Variants in CACNA1S observed in about 807,000 individuals in gnomAD.
The protein encoded by CACNA1S is calcium voltage-gated channel subunit alpha1 S, also known as voltage-dependent L-type calcium channel subunit alpha-1S.
A neutral mutation model predicts 207.4 loss-of-function variants in CACNA1S; 126 were observed. The observed-to-expected ratio is 0.61, with a 90% CI of 0.53 to 0.70. CACNA1S has a LOEUF of 0.70. CACNA1S is among the 30% of genes least tolerant of loss of function. CACNA1S has a pLI of 0.00. For synonymous variants in CACNA1S, 960 were observed against 932.7 expected, an observed-to-expected ratio of 1.03 and a Z score of -0.53; for missense variants, 2,349 against 2,422.8, an observed-to-expected ratio of 0.97 and a Z score of 0.64.
Position 201,048,911 on chromosome 1 carries a change from A to G in CACNA1S, c.4338+92T>C, listed in dbSNP as rs1660561168. 5 of 1,067,412 alleles carry G rather than the reference A, an allele frequency of 4.7e-6. No individual in the cohort carries two copies. In the Admixed American group the frequency reaches 7.5e-5, roughly 16 times the overall value. 66.1% of individuals were successfully genotyped at this position (1,067,412 alleles called of 1,614,324 possible). A position where few individuals can be genotyped will look rare whatever the true frequency, so the allele number is the denominator to read the frequency against. ...GGACCCAGGAGATCCCGGCTCTACA[A>G]TGCTTCACTCCATCAGGTCCTCACC... is the stretch of plus-strand genomic sequence containing the variant. On this transcript the variant is annotated intron_variant, in intron 35 of 43. Transcript: ENST00000362061.
Position 201,069,175 on chromosome 1 carries a change from C to T in CACNA1S, c.2512G>A (p.Gly838Arg), listed in dbSNP as rs1356510559. ...RNQILKHFDI[G>R]FTSVFTVEIV... ...TCCACAGTGAAGACAGAGGTGAACC[C>T]GATGTCAAAGTGTTTAAGGATCTGG... Residue 838 changes from glycine to arginine, a missense_variant, in exon 19 of 44, where the codon GGG becomes AGG. Coordinates refer to ENST00000362061, the MANE Select transcript of CACNA1S (RefSeq NM_000069.3). 15 of 1,613,966 alleles carry T rather than the reference C, an allele frequency of 9.3e-6. No individual in the cohort carries two copies. Among genetic ancestry groups the T allele is most frequent in the African/African-American group, 2.7e-5 (2 of 74,914 alleles).
At chr1:201,061,232 C>T in intron 25 of CACNA1S, 35 bp downstream of exon 25, 3 of 1,585,466 alleles carry the variant, frequency 1.9e-6, no homozygotes, top group Admixed American at 1.7e-5. Flanking sequence ...CCTGCTGGAG[C>T]TCTGCCCTCC....
At position 201,065,822 on chromosome 1, in the gene CACNA1S, G is replaced by A. The variant is rs374793204; in HGVS notation, c.2853+16C>T. The stretch of plus-strand genomic sequence containing the variant: ...GGGAGCGGGAGGGGGAGCTGCTCGC[G>A]CAGGCTGGGGCTCACCTTGAAGAGC... On this transcript the variant is annotated intron_variant, in intron 22 of 43. Transcript: ENST00000362061. The A allele has an allele frequency of 4.3e-5, 69 of 1,591,880 alleles. No individual in the cohort carries two copies. In the African/African-American group the frequency reaches 5.6e-4, roughly 13 times the overall value.
chr1:201,053,380 C>T lies in CACNA1S; in HGVS notation c.3795+79G>A. 9.3e-6 allele frequency: 15 copies of T among 1,612,680 alleles called. No individual in the cohort carries two copies. Among genetic ancestry groups the T allele is most frequent in the Non-Finnish European group, 1.3e-5 (15 of 1,178,846 alleles). ...GGGCTCTGCCTTGCCCAGGGCTCCC[C>T]TGGGGCCCACCCTGGGCTGAGGCAG... On this transcript the variant is annotated intron_variant, in intron 30 of 43. Transcript: ENST00000362061. The surrounding 1 kb of genome is among the most constrained non-coding windows in gnomAD (Gnocchi z 5.1).
chr1:201,073,572 C>T lies in CACNA1S; in HGVS notation c.2134G>A (p.Glu712Lys). ...AKKLEQKPKG[E>K]GIPTTAKLKI... ...ACCTTGGCAGTGGTGGGGATGCCCT[C>T]ACCCTTGGGTTTCTGCTCCAGCTTC... The change falls in exon 15 of 44, where the codon GAG (glutamate) becomes AAG (lysine). Residue 712 changes from glutamate (E) to lysine (K), a missense_variant. Coordinates refer to ENST00000362061, the MANE Select transcript of CACNA1S (RefSeq NM_000069.3). 6.2e-7 allele frequency: 1 copy of T among 1,614,200 alleles called. No individual in the cohort carries two copies.
intron 1 of CACNA1S, among the ~76,000 whole-genome samples, chr1:201,110,521 G>A (rs1271804565): frequency 6.6e-6 from 1 of 152,184 alleles, no homozygotes; most frequent in Non-Finnish European, 1.5e-5. Context: ...GAATGGCAAA[G>A]GTCTGGTCCC....
chr1:201,065,844 G>A lies in CACNA1S; in HGVS notation c.2847C>T (p.Leu949=). 1.2e-6 allele frequency: 2 copies of A among 1,613,342 alleles called. No homozygotes were observed. Among genetic ancestry groups the A allele is most frequent in the Non-Finnish European group, 1.7e-6 (2 of 1,179,234 alleles). Residue 949 remains leucine (L), a synonymous_variant, in exon 22 of 44, where the codon CTC becomes CTT. Coordinates refer to ENST00000362061, the MANE Select transcript of CACNA1S (RefSeq NM_000069.3). The part of the protein sequence containing the change: ...QFMFACIGVQ[L]FKGKFFRCTD... Reference sequence around the variant, plus strand: ...CGCGCAGGCTGGGGCTCACCTTGAAGAGCTGGACGCCGATGCAGGCAAACA... The same window carrying A: ...CGCGCAGGCTGGGGCTCACCTTGAAAAGCTGGACGCCGATGCAGGCAAACA...
At position 201,111,224 on chromosome 1, in the gene CACNA1S, A is replaced by G. The variant is rs886302035; in HGVS notation, c.153-955T>C. On this transcript the variant is annotated intron_variant, in intron 1 of 43. Coordinates refer to ENST00000362061, the MANE Select transcript of CACNA1S (RefSeq NM_000069.3). Reference sequence around the variant, plus strand: ...ACAGGGCTGACCCTGACCCCAAACTATCTCTACTTGCCCCACGTTTCTCTT... The same window carrying G: ...ACAGGGCTGACCCTGACCCCAAACTGTCTCTACTTGCCCCACGTTTCTCTT... 1.8e-4 allele frequency among the ~76,000 whole-genome samples: 27 copies of G among 152,024 alleles called. 2 individuals carry two copies.
At chr1:201,060,457 A>G (rs1237986137) in intron 26 of CACNA1S, among the ~76,000 whole-genome samples, 5 of 152,128 alleles carry the variant, frequency 3.3e-5, no homozygotes, top group African/African-American at 1.2e-4. Context: ...TTATGCTTGA[A>G]TTACCTCCTT....
At chr1:201,101,356 C>T (rs1226145037) in intron 2 of CACNA1S, among the ~76,000 whole-genome samples, 1 of 152,234 alleles carries the variant, frequency 6.6e-6, no homozygotes, top group Non-Finnish European at 1.5e-5. Flanking sequence ...AACCCTCACC[C>T]TCCATAACTA....
rs778890024 is a variant in CACNA1S at position 201,089,411 on chromosome 1, G to A, written c.747C>T (p.Gly249=). The A allele has an allele frequency of 2.4e-5, 39 of 1,614,060 alleles. No homozygotes were observed. The highest frequency in any genetic ancestry group is 3.1e-5 in the Non-Finnish European group (36 of 1,180,042). The change falls in exon 6 of 44, where the codon GGC becomes GGT. Residue 249 remains glycine, a synonymous_variant. Transcript: ENST00000362061. ...CATTGATGGTGCACCGGCGCCCTGA[G>A]CCCGTCCTGGCGCAGGGCGATGGCT... ...NEEPSPCART[G]SGRRCTINGS...
chr1:201,064,479 G>A (rs1168363974), intron 22 of CACNA1S, among the ~76,000 whole-genome samples: 2 of 152,214 alleles, frequency 1.3e-5, no homozygotes, highest in South Asian at 2.1e-4. Flanking sequence ...GGCTTGTAAG[G>A]CCCTCAGCTC....
In CACNA1S at chr1:201,044,471, G is replaced by A; in HGVS notation, c.4669-15C>T. Reference sequence around the variant, plus strand: ...CGCAGCCCTGCCTGGGGATGACGAAGGGACTCAGTTATCTCTCCAGCCCAG... The same window carrying A: ...CGCAGCCCTGCCTGGGGATGACGAAAGGACTCAGTTATCTCTCCAGCCCAG... On this transcript the variant is annotated splice_polypyrimidine_tract_variant and intron_variant, in intron 38 of 43. Coordinates refer to ENST00000362061, the MANE Select transcript of CACNA1S (RefSeq NM_000069.3). 2 of 1,610,510 alleles carry A rather than the reference G, an allele frequency of 1.2e-6. No homozygotes were observed. Among genetic ancestry groups the A allele is most frequent in the Non-Finnish European group, 1.7e-6 (2 of 1,179,410 alleles).
In CACNA1S at chr1:201,062,024, T is replaced by A. The variant is rs1484161841; in HGVS notation, c.2973A>T (p.Val991=). The A allele has an allele frequency of 6.2e-7, 1 of 1,614,080 alleles. No homozygotes were observed. Among genetic ancestry groups the A allele is most frequent in the Non-Finnish European group, 8.5e-7 (1 of 1,180,010 alleles). The change falls in exon 24 of 44, where the codon GTA becomes GTT. Residue 991 remains valine, a synonymous_variant. Coordinates refer to ENST00000362061, the MANE Select transcript of CACNA1S (RefSeq NM_000069.3). ...MQIELRHREW[V]HSDFHFDNVL... ...CATTGTCGAAGTGGAAGTCGCTGTG[T>A]ACCCACTCGCGGTGACGCAGCTCTA... is the stretch of plus-strand genomic sequence containing the variant.
At chr1:201,109,153 C>T (rs2102189175) in intron 2 of CACNA1S, among the ~76,000 whole-genome samples, 2 of 151,474 alleles carry the variant, frequency 1.3e-5, no homozygotes, top group East Asian at 3.9e-4. Context: ...GAGGCTGAGG[C>T]AGGAGCATCA....
At chr1:201,075,293 T>G (rs1438670132) in intron 13 of CACNA1S, among the ~76,000 whole-genome samples, 1 of 152,218 alleles carries the variant, frequency 6.6e-6, no homozygotes, top group African/African-American at 2.4e-5. Flanking sequence ...CCTGTGAGTC[T>G]CTAATCTTTT....
intron 2 of CACNA1S, among the ~76,000 whole-genome samples, chr1:201,106,507 G>A (rs999951743): frequency 6.6e-6 from 1 of 152,128 alleles, no homozygotes; most frequent in Non-Finnish European, 1.5e-5. Flanking sequence ...ATAATGGGGG[G>A]CCCAGTACAA....
intron 32 of CACNA1S, among the ~76,000 whole-genome samples, chr1:201,052,219 T>G (rs1304357396): frequency 1.3e-5 from 2 of 152,256 alleles, no homozygotes; most frequent in Non-Finnish European, 2.9e-5. Context: ...TTCCTGCTCA[T>G]GCTCTGGGAG....
At chr1:201,109,055 C>G (rs1430363852) in intron 2 of CACNA1S, among the ~76,000 whole-genome samples, 1 of 152,158 alleles carries the variant, frequency 6.6e-6, no homozygotes, top group Admixed American at 6.5e-5. Context: ...CGAGGCCAGC[C>G]TGGCCAACAT....
Sources: gnomAD v4.1 joint callset for allele counts (sites outside exome capture counted in the v4.1 genomes callset) on GRCh38, gnomAD v4.1.1 for gene constraint, Gnocchi (gnomAD v3.1) non-coding constraint, MANE v1.5 for transcripts, NCBI Gene and HGNC (gene_info 2026-07-23, HGNC 2026-07-21) for gene names.